The following ANKRD55 variants were observed in gnomAD, a reference collection of about 807,000 sequenced individuals.
ANKRD55 encodes the protein ankyrin repeat domain-containing protein 55.
ANKRD55 carries 41 observed loss-of-function variants against 60.6 expected under a neutral mutation model. That is an observed-to-expected ratio of 0.68 (90% confidence interval 0.53 to 0.88). The LOEUF is 0.88. Ranked by LOEUF, ANKRD55 falls within the 40% of genes least tolerant of loss-of-function variation. ANKRD55 has a pLI of 0.00. For synonymous variants in ANKRD55, 264 were observed against 290.3 expected (o/e 0.91, Z 0.92); for missense variants, 732 against 767.6 (o/e 0.95, Z 0.55).
intron 2 of ANKRD55, among the ~76,000 whole-genome samples, chr5:56,228,579 C>A (rs1444249075): frequency 1.3e-5 from 2 of 152,044 alleles, no homozygotes; most frequent in African/African-American, 2.4e-5. Flanking sequence ...GCGCATGACA[C>A]CACATCCAGC....
chr5:56,170,256 T>A (rs1298806535), intron 5 of ANKRD55, among the ~76,000 whole-genome samples: 2 of 152,228 alleles, frequency 1.3e-5, no homozygotes, highest in Non-Finnish European at 2.9e-5. Flanking sequence ...TTAGAAATGA[T>A]CTTATTTATT....
chr5:56,140,700 C>T (rs1757737082), intron 7 of ANKRD55, among the ~76,000 whole-genome samples: 1 of 152,160 alleles, frequency 6.6e-6, no homozygotes, highest in Non-Finnish European at 1.5e-5. Flanking sequence ...AATATGAATT[C>T]ATTTATCATA....
intron 7 of ANKRD55, among the ~76,000 whole-genome samples, chr5:56,136,037 G>C (rs959113293): frequency 6.6e-6 from 1 of 152,022 alleles, no homozygotes. Context: ...ATCTATAAAA[G>C]TGTGATGAAA....
intron 2 of ANKRD55, among the ~76,000 whole-genome samples, chr5:56,205,721 A>G (rs994454374): frequency 6.6e-6 from 1 of 152,072 alleles, no homozygotes; most frequent in Non-Finnish European, 1.5e-5. Flanking sequence ...GTGGCCCTCT[A>G]CTGTGCCCAC....
chr5:56,181,238 A>G (rs963143424), intron 3 of ANKRD55, among the ~76,000 whole-genome samples: 1 of 152,168 alleles, frequency 6.6e-6, no homozygotes, highest in African/African-American at 2.4e-5. Flanking sequence ...ATATTAAACT[A>G]TGCTGAATTG....
chr5:56,146,166 G>T (rs1757889082), intron 6 of ANKRD55, among the ~76,000 whole-genome samples: 1 of 152,140 alleles, frequency 6.6e-6, no homozygotes. Context: ...AGCGTAAGTT[G>T]CATGAGAGCA....
chr5:56,124,848 GA>G (rs1757192956), intron 8 of ANKRD55, among the ~76,000 whole-genome samples: 1 of 152,166 alleles, frequency 6.6e-6, no homozygotes, highest in Non-Finnish European at 1.5e-5. Context: ...GCTTCAGCAT[GA>G]AGGCAGAATT....
chr5:56,118,731 A>C (rs539338998), intron 8 of ANKRD55, among the ~76,000 whole-genome samples: 1 of 152,334 alleles, frequency 6.6e-6, no homozygotes, highest in South Asian at 2.1e-4. Flanking sequence ...AAAGATCAGA[A>C]TAGACATTTC....
intron 3 of ANKRD55, among the ~76,000 whole-genome samples, chr5:56,180,858 A>G (rs1057317745): frequency 3.9e-5 from 6 of 152,346 alleles, no homozygotes; most frequent in Admixed American, 3.9e-4. Flanking sequence ...TCCTATGAAG[A>G]CAATCAAATT....
chr5:56,161,628 G>A (rs1758333014), intron 5 of ANKRD55, among the ~76,000 whole-genome samples: 1 of 152,170 alleles, frequency 6.6e-6, no homozygotes, highest in Non-Finnish European at 1.5e-5. Context: ...CAATCTTGTT[G>A]TATCATAGTC....
Position 56,135,668 on chromosome 5 carries a change from T to C in ANKRD55, c.612+8133A>G, listed in dbSNP as rs7704702. On this transcript the variant is annotated intron_variant, in intron 7 of 11. Coordinates refer to ENST00000341048, the MANE Select transcript of ANKRD55 (RefSeq NM_024669.3). ...ACAGGCGTGAGCCACTGTACCCGGTTCCACCACCTCTTTTCAATATTATAC... is the reference window on the plus strand; with the variant it reads ...ACAGGCGTGAGCCACTGTACCCGGTCCCACCACCTCTTTTCAATATTATAC... 8.9e-3 allele frequency among the ~76,000 whole-genome samples: 1,350 copies of C among 152,034 alleles called. 21 individuals carry two copies. Among genetic ancestry groups the C allele is most frequent in the African/African-American group, 0.031 (1,284 of 41,480 alleles).
chr5:56,200,320 TA>T (rs551515003), intron 2 of ANKRD55, among the ~76,000 whole-genome samples: 1 of 152,156 alleles, frequency 6.6e-6, no homozygotes, highest in South Asian at 2.1e-4. Flanking sequence ...GGTTTTTTTT[TA>T]AAAAAGACAT....
chr5:56,126,960 G>A lies in ANKRD55; in HGVS notation c.759C>T (p.Val253=), dbSNP rs371960976. 9.9e-6 allele frequency: 16 copies of A among 1,613,472 alleles called. No individual in the cohort carries two copies. The highest frequency in any genetic ancestry group is 1.4e-5 in the Non-Finnish European group (16 of 1,179,742). The part of the protein sequence containing the change: ...FSDIIHELAR[V]PECNLQALDV... ...CCAGAGCCTGCAGGTTACACTCAGG[G>A]ACTCTTGCCAGCTCATGAATAATAT... Residue 253 remains valine, a synonymous_variant, in exon 8 of 12, where the codon GTC becomes GTT. Coordinates refer to ENST00000341048, the MANE Select transcript of ANKRD55 (RefSeq NM_024669.3).
rs1561245029 is a variant in ANKRD55, at chr5:56,100,311, A to G, written c.1724-7T>C. ...AGAGGTTCTCCAGATAGAACTGGGA[A>G]GAAAGAATAGAACAAGAGACTTTCA... is the stretch of plus-strand genomic sequence containing the variant. On this transcript the variant is annotated splice_region_variant and splice_polypyrimidine_tract_variant and intron_variant, in intron 11 of 11. Coordinates refer to ENST00000341048, the MANE Select transcript of ANKRD55 (RefSeq NM_024669.3). The G allele has an allele frequency of 1.9e-6, 3 of 1,614,154 alleles. No homozygotes were observed. Among genetic ancestry groups the G allele is most frequent in the Non-Finnish European group, 2.5e-6 (3 of 1,179,998 alleles).
At chr5:56,151,658 C>G (rs1037426285) in intron 6 of ANKRD55, among the ~76,000 whole-genome samples, 1 of 151,678 alleles carries the variant, frequency 6.6e-6, no homozygotes, top group African/African-American at 2.4e-5. Flanking sequence ...ACAAAAAATA[C>G]AAAAATTAAC....
chr5:56,180,401 C>G (rs1758827826), intron 3 of ANKRD55, among the ~76,000 whole-genome samples: 1 of 152,120 alleles, frequency 6.6e-6, no homozygotes, highest in South Asian at 2.1e-4. Flanking sequence ...ATCCTAGTTC[C>G]TTTGTATTTC....
intron 8 of ANKRD55, among the ~76,000 whole-genome samples, chr5:56,118,097 C>T (rs966244925): frequency 2.6e-5 from 4 of 151,856 alleles, no homozygotes; most frequent in Non-Finnish European, 5.9e-5. Flanking sequence ...GAGCCGAGAT[C>T]ATACCACTGC....
intron 2 of ANKRD55, among the ~76,000 whole-genome samples, chr5:56,225,891 A>G (rs1412787473): frequency 6.6e-6 from 1 of 152,134 alleles, no homozygotes; most frequent in African/African-American, 2.4e-5. Context: ...ATAAATATGA[A>G]AATGGCCATA....
At chr5:56,121,792 G>C (rs758860356) in intron 8 of ANKRD55, among the ~76,000 whole-genome samples, 4 of 152,156 alleles carry the variant, frequency 2.6e-5, no homozygotes, top group Non-Finnish European at 5.9e-5. Context: ...GAATAAATTG[G>C]TACTTTTGTG....
Sources: gnomAD v4.1 joint callset for allele counts (sites outside exome capture counted in the v4.1 genomes callset) on GRCh38, gnomAD v4.1.1 for gene constraint, MANE v1.5 for transcripts, NCBI Gene and HGNC (gene_info 2026-07-23, HGNC 2026-07-21) for gene names.